Variants in SH2D3C observed in about 807,000 individuals in gnomAD.
The protein encoded by SH2D3C is SH2 domain containing 3C.
In SH2D3C, 25 loss-of-function variants were observed where a neutral mutation model predicts 75.2. The observed-to-expected ratio is 0.33, with a 90% CI of 0.24 to 0.46. SH2D3C has a LOEUF of 0.46. Ranked by LOEUF, SH2D3C falls within the 20% of genes least tolerant of loss-of-function variation. SH2D3C has a pLI of 1.00. For synonymous variants in SH2D3C, 450 were observed against 473.7 expected, an observed-to-expected ratio of 0.95 and a Z score of 0.65; for missense variants, 933 against 1,165.3, an observed-to-expected ratio of 0.80 and a Z score of 2.90.
In SH2D3C at chr9:127,766,978, T is replaced by A. The variant is rs922011142; in HGVS notation, c.516-5328A>T. 2.6e-6 allele frequency: 4 copies of A among 1,535,942 alleles called. No homozygotes were observed. The African/African-American group carries it at 5.5e-5, about 21-fold the overall frequency. ...AAGGCCCTGGGCAAAAAGAGCTGGGTGGAAAGCCCCGTCTCTGCCAGGACA... is the reference window on the plus strand; with the variant it reads ...AAGGCCCTGGGCAAAAAGAGCTGGGAGGAAAGCCCCGTCTCTGCCAGGACA... On this transcript the variant is annotated intron_variant, in intron 2 of 11. Coordinates refer to ENST00000314830, the MANE Select transcript of SH2D3C (RefSeq NM_170600.3).
At position 127,749,547 on chromosome 9, in the gene SH2D3C, T is replaced by C. The variant is rs763693572; in HGVS notation, c.803A>G (p.Asn268Ser). 2 of 1,611,818 alleles carry C rather than the reference T, an allele frequency of 1.2e-6. No homozygotes were observed. The highest frequency in any genetic ancestry group is 1.7e-5 in the Admixed American group (1 of 59,830). Residue 268 changes from asparagine to serine, a missense_variant, in exon 5 of 12, where the codon AAC becomes AGC. By Grantham distance (46) the Asn-to-Ser change is conservative (BLOSUM62 1). Coordinates refer to ENST00000314830, the MANE Select transcript of SH2D3C (RefSeq NM_170600.3). This position sits in a 1 kb window ranked among gnomAD's most constrained non-coding sequence, Gnocchi z 5.9. ...WRNQALHFKI[N>S]KVVVKAGESY... is the part of the protein sequence containing the mutation. ...CTCGCCTGCCTTCACCACCACCTTG[T>C]TGATCTTGAAGTGCAAGGCCTGGTT...
intron 2 of SH2D3C, among the ~76,000 whole-genome samples, chr9:127,762,849 A>G (rs1054576798): frequency 1.3e-5 from 2 of 152,228 alleles, no homozygotes; most frequent in African/African-American, 4.8e-5. Flanking sequence ...CTCCATGGCC[A>G]TGCAATTTAT....
chr9:127,757,666 T>TATTATC (rs1280223831), intron 3 of SH2D3C, among the ~76,000 whole-genome samples: 3 of 147,334 alleles, frequency 2.0e-5, no homozygotes, highest in East Asian at 3.9e-4. Context: ...TTATTATTAT[T>TATTATC]ATTTTGAGAT....
chr9:127,764,607 C>A (rs1449185857), intron 2 of SH2D3C, among the ~76,000 whole-genome samples: 1 of 152,210 alleles, frequency 6.6e-6, no homozygotes, highest in African/African-American at 2.4e-5. Context: ...CCATCTCCCC[C>A]ACCCCACCTC....
intron 3 of SH2D3C, among the ~76,000 whole-genome samples, chr9:127,759,515 C>A (rs984650498): frequency 6.6e-6 from 1 of 152,196 alleles, no homozygotes; most frequent in Admixed American, 6.5e-5. Flanking sequence ...TGTGCCCAGC[C>A]TGAGCCACTG....
Position 127,749,140 on chromosome 9 carries a change from C to T in SH2D3C, c.1139+71G>A. The T allele has an allele frequency of 5.3e-6, 6 of 1,121,542 alleles. No homozygotes were observed. Among genetic ancestry groups the T allele is most frequent in the Non-Finnish European group, 7.7e-6 (6 of 784,128 alleles). The allele number at this position is 1,121,542 out of a possible 1,614,324, so 69.5% of individuals were successfully genotyped here. On this transcript the variant is annotated intron_variant, in intron 5 of 11. Coordinates refer to ENST00000314830, the MANE Select transcript of SH2D3C (RefSeq NM_170600.3). The surrounding 1 kb of genome is among the most constrained non-coding windows in gnomAD (Gnocchi z 5.9). ...GTAATTTCATCCCATTTCAGTGTAC[C>T]TAGGCCTTCTCTTTCTCACTAGCCC...
intron 9 of SH2D3C, 78 bp from the exon 10 acceptor site, chr9:127,740,447 C>T (rs2131731692): frequency 1.1e-6 from 1 of 946,826 alleles, no homozygotes; most frequent in South Asian, 1.3e-5. Context: ...TGAGTGGACA[C>T]CCAGATGTGG....
At chr9:127,742,796 A>G in intron 8 of SH2D3C, 53 bp downstream of exon 8, 1 of 1,409,364 alleles carries the variant, frequency 7.1e-7, no homozygotes, top group Non-Finnish European at 9.8e-7. Context: ...TCCAGCGGGG[A>G]GTGCGGTAGC....
At chr9:127,776,117 C>T (rs1318562743) in intron 1 of SH2D3C, among the ~76,000 whole-genome samples, 3 of 152,172 alleles carry the variant, frequency 2.0e-5, no homozygotes, top group Non-Finnish European at 4.4e-5. Context: ...GGGTAAGACA[C>T]CGTGCCTGGC....
intron 1 of SH2D3C, among the ~76,000 whole-genome samples, chr9:127,778,117 A>C (rs866537526): frequency 1.5e-4 from 23 of 151,950 alleles, no homozygotes; most frequent in African/African-American, 4.6e-4. Flanking sequence ...CCTCCTGAGT[A>C]GCTGGGATTA....
intron 2 of SH2D3C, 87 bp downstream of exon 2, chr9:127,773,903 G>A (rs1845772030): frequency 5.2e-6 from 4 of 771,720 alleles, no homozygotes; most frequent in Non-Finnish European, 8.3e-6. Flanking sequence ...GAGAGACAGA[G>A]CGACACTCTG....
chr9:127,745,210 GGT>G, intron 6 of SH2D3C, 111 bp from the exon 7 acceptor site: 1 of 875,528 alleles, frequency 1.1e-6, no homozygotes, highest in Non-Finnish European at 1.6e-6. Context: ...GGAGTACAGA[GGT>G]GATGTCCCCA....
chr9:127,753,066 A>G (rs1454310674), intron 3 of SH2D3C, among the ~76,000 whole-genome samples: 3 of 151,996 alleles, frequency 2.0e-5, no homozygotes, highest in Non-Finnish European at 4.4e-5. Context: ...GGGGAGATGA[A>G]TAAGAAGCTT....
intron 2 of SH2D3C, among the ~76,000 whole-genome samples, chr9:127,765,434 TTGAA>T (rs1312169203): frequency 6.6e-6 from 1 of 152,138 alleles, no homozygotes; most frequent in Non-Finnish European, 1.5e-5. Flanking sequence ...ATATATTTTT[TTGAA>T]TGAATGAATG....
intron 7 of SH2D3C, 86 bp from the exon 8 acceptor site, chr9:127,743,050 T>C: frequency 1.1e-6 from 1 of 902,992 alleles, no homozygotes; most frequent in Admixed American, 2.4e-5. Flanking sequence ...TCTAAGGGGG[T>C]AGGTAGCCTG....
At chr9:127,746,116 T>G (rs1845021994) in intron 6 of SH2D3C, among the ~76,000 whole-genome samples, 1 of 152,224 alleles carries the variant, frequency 6.6e-6, no homozygotes, top group Admixed American at 6.5e-5. Flanking sequence ...TATACCAGAT[T>G]GCTTAGAAAC....
At chr9:127,772,637 C>T (rs762717022) in intron 2 of SH2D3C, among the ~76,000 whole-genome samples, 5 of 152,080 alleles carry the variant, frequency 3.3e-5, no homozygotes, top group African/African-American at 9.6e-5. Flanking sequence ...ATTGAAAAGC[C>T]GGGGACTCCT....
intron 2 of SH2D3C, among the ~76,000 whole-genome samples, chr9:127,767,530 C>T (rs1845658608): frequency 6.6e-6 from 1 of 152,144 alleles, no homozygotes; most frequent in African/African-American, 2.4e-5. Flanking sequence ...GGCAAAGAAA[C>T]AGACAAACAA....
At chr9:127,748,620 G>A (rs375304341) in intron 5 of SH2D3C, among the ~76,000 whole-genome samples, 8 of 152,354 alleles carry the variant, frequency 5.3e-5, no homozygotes, top group African/African-American at 1.2e-4. Context: ...GGAAATGGGC[G>A]TTGATGAGAT....
Sources: allele counts gnomAD v4.1 joint callset (sites outside exome capture counted in the v4.1 genomes callset), GRCh38; gene constraint gnomAD v4.1.1; non-coding constraint Gnocchi (gnomAD v3.1); transcripts MANE v1.5; gene names NCBI Gene and HGNC (gene_info 2026-07-23, HGNC 2026-07-21).